Variants in INPPL1 observed in about 807,000 individuals in gnomAD.
The protein encoded by INPPL1 is phosphatidylinositol 3,4,5-trisphosphate 5-phosphatase 2.
INPPL1 carries 91 observed loss-of-function variants against 139.3 expected under a neutral mutation model. The observed-to-expected ratio is 0.65, with a 90% CI of 0.55 to 0.78. The LOEUF (loss-of-function observed/expected upper bound fraction) is 0.78. Among genes scored for constraint, INPPL1 ranks in the 30% least tolerant of loss-of-function variants. INPPL1 has a pLI of 0.00. For missense variants in INPPL1, 1,411 were observed against 1,665.6 expected (o/e 0.85, Z 2.66); for synonymous variants, 719 against 686.6 (o/e 1.05, Z -0.74).
rs776547070 is a variant in INPPL1, at chr11:72,234,503, G to C, written c.2327-24G>C. The C allele has an allele frequency of 1.4e-5, 22 of 1,600,166 alleles. No individual in the cohort carries two copies. In the African/African-American group the frequency reaches 1.6e-4, roughly 12 times the overall value. ...GGAAGCTGAGAGGTGGTGCTCAGTTGGGTGTCTCCCACCCCCACCCCAGAA... is the reference window on the plus strand; with the variant it reads ...GGAAGCTGAGAGGTGGTGCTCAGTTCGGTGTCTCCCACCCCCACCCCAGAA... On this transcript the variant is annotated intron_variant, in intron 20 of 27. Transcript: ENST00000298229. The surrounding 1 kb of genome is among the most constrained non-coding windows in gnomAD (Gnocchi z 4.2).
intron 10 of INPPL1, 128 bp from the exon 11 acceptor site, chr11:72,230,668 C>T (rs1719734321): frequency 1.2e-6 from 1 of 852,972 alleles, no homozygotes; most frequent in Non-Finnish European, 1.9e-6. Context: ...TATGCTTGAG[C>T]AGTGGGTATG....
At position 72,235,169 on chromosome 11, in the gene INPPL1, C is replaced by G. The variant is rs762239070; in HGVS notation, c.2469C>G (p.Leu823=). Residue 823 remains leucine (L), a synonymous_variant, in exon 22 of 28, where the codon CTC becomes CTG. Coordinates refer to ENST00000298229, the MANE Select transcript of INPPL1 (RefSeq NM_001567.4). The surrounding 1 kb of genome is among the most constrained non-coding windows in gnomAD (Gnocchi z 4.9). ...IEYLQDQHLL[L]TVKSMDGYES... ...ACCTGCAGGACCAGCACCTCCTGCT[C>G]ACAGTCAAGTCCATGGATGGCTATG... is the stretch of plus-strand genomic sequence containing the variant. The G allele has an allele frequency of 1.9e-6, 3 of 1,613,972 alleles. No individual in the cohort carries two copies. The highest frequency in any genetic ancestry group is 2.2e-5 in the South Asian group (2 of 91,074).
chr11:72,237,866 C>T (rs1565399291), intron 26 of INPPL1, 70 bp downstream of exon 26: 1 of 1,506,348 alleles, frequency 6.6e-7, no homozygotes, highest in East Asian at 2.4e-5. Flanking sequence ...CCCTTTCACT[C>T]CACCATTCAG....
intron 1 of INPPL1, among the ~76,000 whole-genome samples, chr11:72,227,100 G>A (rs1948696860): frequency 6.6e-6 from 1 of 152,050 alleles, no homozygotes; most frequent in African/African-American, 2.4e-5. Context: ...TATACATTCC[G>A]GGTGTTCATG....
At chr11:72,227,990 T>TAAAGAA in intron 1 of INPPL1, 200 bp from the exon 2 acceptor site, 2 of 502,822 alleles carry the variant, frequency 4.0e-6, no homozygotes, top group Non-Finnish European at 7.1e-6. Context: ...GGTGTTCTGG[T>TAAAGAA]CATTCCTGCC....
Position 72,229,184 on chromosome 11 carries a change from C to A in INPPL1, c.613C>A (p.Pro205Thr). 1 of 1,613,602 alleles carries A rather than the reference C, an allele frequency of 6.2e-7. No individual in the cohort carries two copies. Among genetic ancestry groups the A allele is most frequent in the Non-Finnish European group, 8.5e-7 (1 of 1,179,810 alleles). The change falls in exon 5 of 28, where the codon CCC becomes ACC. Residue 205 changes from proline (P) to threonine (T), a missense_variant. This residue lies in a region of INPPL1 where 504 missense variants were observed against 595.6 expected (regional missense o/e 0.85). Coordinates refer to ENST00000298229, the MANE Select transcript of INPPL1 (RefSeq NM_001567.4). ...EAVRGGASHL[P>T]HLTRTLATSC... ...TGTGAGGGGTGGAGCCAGCCACCTGCCCCACCTCACCCGTACCCTCGCTAC... is the reference window on the plus strand; with the variant it reads ...TGTGAGGGGTGGAGCCAGCCACCTGACCCACCTCACCCGTACCCTCGCTAC...
chr11:72,235,870 C>A lies in INPPL1; in HGVS notation c.2763C>A (p.Phe921Leu). ...GGTCAGGGAGCCGCAAGCCAGCCTT[C>A]ACAGAGGCCTCCTGCCCGCTCTCCA... ...EPRSGSRKPA[F>L]TEASCPLSRL... Residue 921 changes from phenylalanine (F) to leucine (L), a missense_variant, in exon 25 of 28, where the codon TTC becomes TTA. Phe to Leu is a conservative substitution (Grantham distance 22, BLOSUM62 0). Coordinates refer to ENST00000298229, the MANE Select transcript of INPPL1 (RefSeq NM_001567.4). The surrounding 1 kb of genome is among the most constrained non-coding windows in gnomAD (Gnocchi z 4.9). The A allele has an allele frequency of 6.2e-7, 1 of 1,613,220 alleles. No individual in the cohort carries two copies. Among genetic ancestry groups the A allele is most frequent in the Admixed American group, 1.7e-5 (1 of 59,972 alleles).
chr11:72,229,315 C>T (rs1299382464), intron 5 of INPPL1, 85 bp downstream of exon 5: 1 of 1,462,666 alleles, frequency 6.8e-7, no homozygotes, highest in Non-Finnish European at 9.4e-7. Flanking sequence ...GTGCCCTGAT[C>T]TCTGATCCTG....
In INPPL1 at chr11:72,230,139, C is replaced by T. The variant is rs754929406; in HGVS notation, c.958C>T (p.Leu320=). The change falls in exon 9 of 28, where the codon CTG becomes TTG. Residue 320 remains leucine, a synonymous_variant. Coordinates refer to ENST00000298229, the MANE Select transcript of INPPL1 (RefSeq NM_001567.4). The part of the protein sequence containing the change: ...QAFEVKLDVT[L]GDLTKIGKSQ... ...CCTACAGGTGAAGCTAGATGTGACC[C>T]TGGGTGACCTGACCAAGATTGGGAA... 153 of 1,609,498 alleles carry T rather than the reference C, an allele frequency of 9.5e-5. No individual in the cohort carries two copies. Among genetic ancestry groups the T allele is most frequent in the Non-Finnish European group, 3.1e-5 (37 of 1,176,680 alleles).
Position 72,228,312 on chromosome 11 carries a change from T to C in INPPL1, c.247-36T>C, listed in dbSNP as rs1344925118. On this transcript the variant is annotated intron_variant, in intron 2 of 27. Coordinates refer to ENST00000298229, the MANE Select transcript of INPPL1 (RefSeq NM_001567.4). The surrounding 1 kb of genome is among the most constrained non-coding windows in gnomAD (Gnocchi z 5.0). ...TCCAGCCTAGGGCTTGGGGACCTGC[T>C]GGCTGACCCTTCCTCCCACCCTTGC... The C allele has an allele frequency of 1.9e-6, 3 of 1,614,036 alleles. No individual in the cohort carries two copies. Among genetic ancestry groups the C allele is most frequent in the African/African-American group, 2.7e-5 (2 of 75,050 alleles).
In INPPL1 at chr11:72,229,251, C is replaced by T. The variant is rs1190982216; in HGVS notation, c.659+21C>T. 5 of 1,592,252 alleles carry T rather than the reference C, an allele frequency of 3.1e-6. No individual in the cohort carries two copies. In the Admixed American group the frequency reaches 6.8e-5, roughly 22 times the overall value. On this transcript the variant is annotated intron_variant, in intron 5 of 27. Transcript: ENST00000298229. ...CACAGGTATCTGGGACATCCAGCCC[C>T]ATGTATTACACCCTTACCTCTGACC...
At position 72,234,310 on chromosome 11, in the gene INPPL1, A is replaced by G. The variant is rs769782314; in HGVS notation, c.2242A>G (p.Ile748Val). 5 of 1,613,956 alleles carry G rather than the reference A, an allele frequency of 3.1e-6. No individual in the cohort carries two copies. In the South Asian group the frequency reaches 3.3e-5, roughly 11 times the overall value. Residue 748 changes from isoleucine (I) to valine (V), a missense_variant, in exon 20 of 28, where the codon ATT becomes GTT. Transcript: ENST00000298229. This position sits in a 1 kb window ranked among gnomAD's most constrained non-coding sequence, Gnocchi z 4.2. ...GLSKTSDQAY[I>V]EFESIEAIVK... ...CTCAAAGACTTCAGACCAGGCCTAC[A>G]TTGAGTTTGAGAGCATCGAGGCCAT...
intron 26 of INPPL1, 51 bp downstream of exon 26, chr11:72,237,847 A>G: frequency 6.5e-7 from 1 of 1,536,046 alleles, no homozygotes; most frequent in Non-Finnish European, 8.8e-7. Flanking sequence ...GCTTGCCCAC[A>G]GACTGGTACC....
In INPPL1 at chr11:72,232,931, G is replaced by A; in HGVS notation, c.1908G>A (p.Gln636=). ...KEFEPLLRVD[Q]LNLEREKHKV... ...TTGAGCCCCTCCTCAGGGTGGACCA[G>A]CTCAACCTGGAGCGGGAGAAGCACA... The change falls in exon 16 of 28, where the codon CAG becomes CAA. Residue 636 remains glutamine (Q), a synonymous_variant. Transcript: ENST00000298229. 6.2e-7 allele frequency: 1 copy of A among 1,614,192 alleles called. No homozygotes were observed. The highest frequency in any genetic ancestry group is 1.1e-5 in the South Asian group (1 of 91,092).
In INPPL1 at chr11:72,233,749, C is replaced by T; in HGVS notation, c.2212+5C>T. The T allele has an allele frequency of 1.2e-6, 2 of 1,612,404 alleles. No individual in the cohort carries two copies. Among genetic ancestry groups the T allele is most frequent in the Non-Finnish European group, 8.5e-7 (1 of 1,178,436 alleles). On this transcript the variant is annotated splice_donor_5th_base_variant and intron_variant, in intron 19 of 27. Coordinates refer to ENST00000298229, the MANE Select transcript of INPPL1 (RefSeq NM_001567.4). ...CCCAGTTCATCTCCAAGAAAGGTGA[C>T]TGTTCCAGATATGCTTGTGGGTGTG...
chr11:72,233,182 A>T lies in INPPL1; in HGVS notation c.2040+19A>T. 6.2e-7 allele frequency: 1 copy of T among 1,609,686 alleles called. No individual in the cohort carries two copies. The highest frequency in any genetic ancestry group is 8.5e-7 in the Non-Finnish European group (1 of 1,177,046). The stretch of plus-strand genomic sequence containing the variant: ...AACTGGGGTGAGCCAAGAAAACGGC[A>T]TGGGCCTTGGGGGACCGCAGGCCTG... On this transcript the variant is annotated intron_variant, in intron 17 of 27. Transcript: ENST00000298229.
In INPPL1 at chr11:72,225,894, G is replaced by C. The variant is rs916888592; in HGVS notation, c.182+728G>C. On this transcript the variant is annotated intron_variant, in intron 1 of 27. Coordinates refer to ENST00000298229, the MANE Select transcript of INPPL1 (RefSeq NM_001567.4). Reference sequence around the variant, plus strand: ...GTGGCTGTGCCTTTCAGCCCAGTGTGGTTGGTAGTGGTGCTGGGGTGAGTT... The same window carrying C: ...GTGGCTGTGCCTTTCAGCCCAGTGTCGTTGGTAGTGGTGCTGGGGTGAGTT... Among the ~76,000 whole-genome samples the C allele has an allele frequency of 3.3e-5, 5 of 152,306 alleles. No homozygotes were observed. In the East Asian group the frequency reaches 9.6e-4, roughly 29 times the overall value.
Position 72,235,043 on chromosome 11 carries a change from AGGGGGCAGC to A in INPPL1, c.2416-71_2416-63del. On this transcript the variant is annotated intron_variant, in intron 21 of 27. Coordinates refer to ENST00000298229, the MANE Select transcript of INPPL1 (RefSeq NM_001567.4). This position sits in a 1 kb window ranked among gnomAD's most constrained non-coding sequence, Gnocchi z 4.9. Reference sequence around the variant, plus strand: ...CTGAGGGTGGGGATTGAGTGGTGTCAGGGGGCAGCGCGTAGGAGGGGCAGGAGGAAGTGG... The same window carrying A: ...CTGAGGGTGGGGATTGAGTGGTGTCAGCGTAGGAGGGGCAGGAGGAAGTGG... The A allele has an allele frequency of 8.0e-7, 1 of 1,250,854 alleles. No individual in the cohort carries two copies. Among genetic ancestry groups the A allele is most frequent in the South Asian group, 1.3e-5 (1 of 77,138 alleles). The allele number at this position is 1,250,854 out of a possible 1,614,324, so 77.5% of individuals were successfully genotyped here. A position where few individuals can be genotyped will look rare whatever the true frequency, so the allele number is the denominator to read the frequency against.
In INPPL1 at chr11:72,234,749, G is replaced by T; in HGVS notation, c.2415+134G>T. On this transcript the variant is annotated intron_variant, in intron 21 of 27. Coordinates refer to ENST00000298229, the MANE Select transcript of INPPL1 (RefSeq NM_001567.4). This position sits in a 1 kb window ranked among gnomAD's most constrained non-coding sequence, Gnocchi z 4.2. ...AGAGAGAGAGTGTGTGTGTGTGTGTGTGTGTGTGTGTGTGTATGGGCATGG... is the reference window on the plus strand; with the variant it reads ...AGAGAGAGAGTGTGTGTGTGTGTGTTTGTGTGTGTGTGTGTATGGGCATGG... 4.6e-6 allele frequency: 3 copies of T among 645,938 alleles called. No homozygotes were observed. The South Asian group carries it at 5.6e-5, about 12-fold the overall frequency. The allele number at this position is 645,938 out of a possible 1,614,324, so 40.0% of individuals were successfully genotyped here.
Sources: allele counts gnomAD v4.1 joint callset (sites outside exome capture counted in the v4.1 genomes callset), GRCh38; gene constraint gnomAD v4.1.1; regional missense constraint gnomAD v4.1.1; non-coding constraint Gnocchi (gnomAD v3.1); transcripts MANE v1.5; gene names NCBI Gene and HGNC (gene_info 2026-07-23, HGNC 2026-07-21).